The following XK variants were observed in gnomAD, a reference collection of about 807,000 sequenced individuals.
XK encodes the protein X-linked Kx blood group antigen, Kell and VPS13A binding protein.
XK carries 2 observed loss-of-function variants against 14.0 expected under a neutral mutation model. That is an observed-to-expected ratio of 0.14 (90% CI 0.06 to 0.45). XK has a LOEUF of 0.45. Among genes scored for constraint, XK ranks in the 20% least tolerant of loss-of-function variants. The pLI is 0.98. For synonymous variants in XK, 149 were observed against 147.5 expected (o/e 1.01, Z -0.08); for missense variants, 235 against 341.5 (o/e 0.69, Z 2.46).
rs1928059336 is a variant in XK, at chrX:37,730,195, A to G, written c.*1733A>G. On this transcript the variant is annotated 3_prime_UTR_variant, in exon 3 of 3. Coordinates refer to ENST00000378616, the MANE Select transcript of XK (RefSeq NM_021083.4). Reference sequence around the variant, plus strand: ...TTTAACCAAATAAGAATAACACTCAAGACTATGTTCTCCATCCCAACACAT... The same window carrying G: ...TTTAACCAAATAAGAATAACACTCAGGACTATGTTCTCCATCCCAACACAT... The G allele has an allele frequency of 8.9e-6, 1 of 111,755 alleles. No individual in the cohort carries two copies. The highest frequency in any genetic ancestry group is 3.3e-5 in the African/African-American group (1 of 30,768). 9.2% of individuals were successfully genotyped at this position (111,755 alleles called of 1,213,427 possible).
At chrX:37,721,483 C>A (rs1927869305) in intron 2 of XK, among the ~76,000 whole-genome samples, 1 of 110,856 alleles carries the variant, frequency 9.0e-6, no homozygotes, top group Non-Finnish European at 1.9e-5. Context: ...CAGGGAAATG[C>A]AAATCAAAAT....
intron 2 of XK, among the ~76,000 whole-genome samples, chrX:37,704,289 C>A (rs1194918196): frequency 9.0e-6 from 1 of 111,620 alleles, no homozygotes; most frequent in African/African-American, 3.3e-5. Context: ...ATCCCAGCAA[C>A]TTAGAAGGTT....
chrX:37,731,819 A>C lies in XK; in HGVS notation c.*3357A>C, dbSNP rs1556451256. ...ATTTTAGTATAGTTTTCGATAAAGG[A>C]TATAGCAACATCTTTTGATAATTGT... On this transcript the variant is annotated 3_prime_UTR_variant, in exon 3 of 3. Transcript: ENST00000378616. The C allele has an allele frequency of 8.9e-6, 1 of 112,282 alleles. No individual in the cohort carries two copies. Among genetic ancestry groups the C allele is most frequent in the African/African-American group, 3.2e-5 (1 of 30,944 alleles). The allele number at this position is 112,282 out of a possible 1,213,427, so 9.3% of individuals were successfully genotyped here. A position where few individuals can be genotyped will look rare whatever the true frequency, so the allele number is the denominator to read the frequency against.
In XK at chrX:37,727,132, C is replaced by T. The variant is rs1446064828; in HGVS notation, c.509-504C>T. On this transcript the variant is annotated intron_variant, in intron 2 of 2. Transcript: ENST00000378616. ...GTGAGTTACCCTGAAGCAGGCCCTA[C>T]GAGAAGAATTTGAGTGCATATATCT... is the stretch of plus-strand genomic sequence containing the variant. Among the ~76,000 whole-genome samples, 3 of 110,784 alleles carry T rather than the reference C, an allele frequency of 2.7e-5. No homozygotes were observed. The East Asian group carries it at 8.5e-4, about 31-fold the overall frequency.
intron 1 of XK, among the ~76,000 whole-genome samples, chrX:37,686,631 T>G (rs1381155388): frequency 9.0e-6 from 1 of 111,725 alleles, no homozygotes; most frequent in African/African-American, 3.3e-5. Flanking sequence ...AATTTTAATT[T>G]ATCAAACACA....
intron 1 of XK, among the ~76,000 whole-genome samples, chrX:37,693,141 G>A (rs1293278484): frequency 1.8e-5 from 2 of 111,587 alleles, no homozygotes; most frequent in Non-Finnish European, 1.9e-5. Context: ...TCCAGTTGCC[G>A]TAGTCACCTC....
At chrX:37,705,865 C>A (rs782071917) in intron 2 of XK, among the ~76,000 whole-genome samples, 1 of 108,139 alleles carries the variant, frequency 9.2e-6, no homozygotes, top group Non-Finnish European at 1.9e-5. Context: ...CCATCCTCCC[C>A]ACTGAGCCTC....
intron 2 of XK, among the ~76,000 whole-genome samples, chrX:37,726,568 T>C (rs1190718798): frequency 8.9e-6 from 1 of 111,829 alleles, no homozygotes; most frequent in Admixed American, 9.5e-5. Context: ...GACCACAGTC[T>C]ACTTATGGGT....
chrX:37,716,836 C>G (rs1429245445), intron 2 of XK, among the ~76,000 whole-genome samples: 2 of 111,699 alleles, frequency 1.8e-5, no homozygotes, highest in Non-Finnish European at 3.8e-5. Flanking sequence ...TAACTCAACT[C>G]ACTGATGTCC....
intron 2 of XK, among the ~76,000 whole-genome samples, chrX:37,714,584 C>T (rs1345811537): frequency 1.8e-5 from 2 of 110,924 alleles, no homozygotes; most frequent in African/African-American, 3.3e-5. Flanking sequence ...GAGGTTACTT[C>T]CTCCCTTCCA....
chrX:37,686,158 G>T lies in XK; in HGVS notation c.197G>T (p.Arg66Leu). The change falls in exon 1 of 3, where the codon CGC (arginine) becomes CTC (leucine). Residue 66 changes from arginine to leucine, a missense_variant. By Grantham distance (102) the Arg-to-Leu change is moderately radical. Transcript: ENST00000378616. The stretch of plus-strand genomic sequence containing the variant: ...GTACACCGCGACCTCAGCCGCGACC[G>T]CCCGCTCGTACTGCTGCTGCACCTG... ...LFVHRDLSRD[R>L]PLVLLLHLLQ... The T allele has an allele frequency of 8.3e-7, 1 of 1,208,754 alleles. No homozygotes were observed.
At chrX:37,701,279 G>C (rs1213846657) in intron 2 of XK, among the ~76,000 whole-genome samples, 4 of 112,711 alleles carry the variant, frequency 3.5e-5, no homozygotes, top group Admixed American at 1.9e-4. Context: ...GCCAAAAACA[G>C]GTTCAAAAGG....
intron 2 of XK, among the ~76,000 whole-genome samples, chrX:37,697,534 C>G (rs1927326067): frequency 8.9e-6 from 1 of 112,220 alleles, no homozygotes; most frequent in Admixed American, 9.4e-5. Flanking sequence ...TTCTGTAACT[C>G]TCTCCTCTCT....
chrX:37,718,808 T>C (rs967916067), intron 2 of XK, among the ~76,000 whole-genome samples: 4 of 111,792 alleles, frequency 3.6e-5, no homozygotes, highest in Non-Finnish European at 5.7e-5. Flanking sequence ...AATGAACTAA[T>C]TTTCTTTTCA....
rs1264111593 is a variant in XK at position 37,685,856 on chromosome X, T to TG, written c.-102dup. On this transcript the variant is annotated 5_prime_UTR_variant, in exon 1 of 3. Transcript: ENST00000378616. The stretch of plus-strand genomic sequence containing the variant: ...GGCTGCGCAGAGCGCGGGAGCGGTT[T>TG]GGGGCTGGGCATGCTGGGAGCCCCT... 13 of 967,614 alleles carry TG rather than the reference T, an allele frequency of 1.3e-5. No individual in the cohort carries two copies. Among genetic ancestry groups the TG allele is most frequent in the African/African-American group, 3.9e-5 (2 of 51,560 alleles). The allele number at this position is 967,614 out of a possible 1,213,427, so 79.7% of individuals were successfully genotyped here. A position where few individuals can be genotyped will look rare whatever the true frequency, so the allele number is the denominator to read the frequency against.
chrX:37,709,526 TAAATC>T (rs1340488931), intron 2 of XK, among the ~76,000 whole-genome samples: 1 of 112,437 alleles, frequency 8.9e-6, no homozygotes, highest in Non-Finnish European at 1.9e-5. Context: ...ATGACACTGA[TAAATC>T]AGAGATGTTT....
At chrX:37,704,957 AT>A (rs1927483370) in intron 2 of XK, among the ~76,000 whole-genome samples, 1 of 112,550 alleles carries the variant, frequency 8.9e-6, no homozygotes. Context: ...TGAAGAAGAA[AT>A]TGTGACATAC....
At position 37,704,574 on chromosome X, in the gene XK, G is replaced by A. The variant is rs962913690; in HGVS notation, c.508+10026G>A. ...GTATCAGCCGGGCGTGGTGGCTCAC[G>A]CCTGTAATCCCAGCACTTTGGGAGG... On this transcript the variant is annotated intron_variant, in intron 2 of 2. Coordinates refer to ENST00000378616, the MANE Select transcript of XK (RefSeq NM_021083.4). Among the ~76,000 whole-genome samples, 84 of 110,834 alleles carry A rather than the reference G, an allele frequency of 7.6e-4. 1 individual carries two copies. In the Admixed American group the frequency reaches 8.0e-3, roughly 11 times the overall value.
chrX:37,699,449 A>G (rs1040627591), intron 2 of XK, among the ~76,000 whole-genome samples: 8 of 112,434 alleles, frequency 7.1e-5, no homozygotes, highest in African/African-American at 2.6e-4. Flanking sequence ...AACCCAAAGG[A>G]CAGACATAGG....
Sources: allele counts gnomAD v4.1 joint callset (sites outside exome capture counted in the v4.1 genomes callset), GRCh38; gene constraint gnomAD v4.1.1; transcripts MANE v1.5; gene names NCBI Gene and HGNC (gene_info 2026-07-23, HGNC 2026-07-21).